Variants in SLF1 observed in about 807,000 individuals in gnomAD.
SLF1 encodes SMC5/6 complex localization factor 1.
Under a neutral mutation model 123.0 loss-of-function variants are expected in SLF1, and 105 were observed. The observed-to-expected ratio is 0.85, with a 90% confidence interval of 0.73 to 1.00. SLF1 has a LOEUF of 1.00. Among genes scored for constraint, SLF1 ranks in the 50% least tolerant of loss-of-function variants. The pLI is 0.00. For missense variants in SLF1, 1,239 were observed against 1,223.0 expected (o/e 1.01, Z -0.20); for synonymous variants, 434 against 406.6 (o/e 1.07, Z -0.81).
chr5:94,652,015 T>TCTTTTTTC (rs779227835), intron 7 of SLF1, among the ~76,000 whole-genome samples, 170 bp downstream of exon 7: 1 of 82,472 alleles, frequency 1.2e-5, no homozygotes, highest in East Asian at 2.7e-4. Context: ...TTCTTTTTTC[T>TCTTTTTTC]TTTTTTTTTT....
intron 4 of SLF1, among the ~76,000 whole-genome samples, chr5:94,637,114 C>A (rs929419252): frequency 3.3e-5 from 5 of 152,168 alleles, no homozygotes; most frequent in African/African-American, 1.2e-4. Context: ...TTGTTAATTT[C>A]TTTGGAGGTG....
intron 4 of SLF1, among the ~76,000 whole-genome samples, chr5:94,635,871 C>T (rs1745710515): frequency 6.6e-6 from 1 of 152,074 alleles, no homozygotes; most frequent in Non-Finnish European, 1.5e-5. Flanking sequence ...GAATATGATT[C>T]TACATTACTT....
chr5:94,640,571 T>A (rs72773526), intron 4 of SLF1, among the ~76,000 whole-genome samples: 33,845 of 152,082 alleles, frequency 0.22, 3,891 homozygotes, highest in East Asian at 0.34. Flanking sequence ...CATTATTTTT[T>A]AAATATTTCT....
At chr5:94,671,984 G>A (rs1750515213) in intron 14 of SLF1, among the ~76,000 whole-genome samples, 1 of 151,998 alleles carries the variant, frequency 6.6e-6, no homozygotes, top group East Asian at 1.9e-4. Context: ...TCTGCTATCT[G>A]AAATTTACTG....
intron 20 of SLF1, among the ~76,000 whole-genome samples, chr5:94,694,532 T>G (rs1474988583): frequency 6.6e-6 from 1 of 151,912 alleles, no homozygotes; most frequent in African/African-American, 2.4e-5. Context: ...ACACTGAAAT[T>G]CTTATTTTAA....
chr5:94,631,980 TTTTTTTTTC>T (rs57415212), intron 4 of SLF1, among the ~76,000 whole-genome samples: 33,222 of 147,396 alleles, frequency 0.23, 3,804 homozygotes, highest in East Asian at 0.37. Context: ...CTTTTTTTTT[TTTTTTTTTC>T]CAAATTAAAT....
rs2305391 is a variant in SLF1 at position 94,649,602 on chromosome 5, A to G, written c.738+5A>G. 31,679 of 1,458,528 alleles carry G rather than the reference A, an allele frequency of 0.022. 1,364 individuals carry two copies. Among genetic ancestry groups the G allele is most frequent in the East Asian group, 0.2 (8,001 of 39,374 alleles). 90.3% of individuals were successfully genotyped at this position (1,458,528 alleles called of 1,614,324 possible). On this transcript the variant is annotated splice_donor_5th_base_variant and intron_variant, in intron 6 of 20. Transcript: ENST00000265140. ...GAGACCATGTATAGAACCCAGGTAA[A>G]CTTTATAGGCTGAAAAACATACATT...
Position 94,697,429 on chromosome 5 carries a change from A to G in SLF1, c.*2117A>G, listed in dbSNP as rs1585256633. ...ATTCTCAATAAGTAAAGTATAATTC[A>G]TAGTCTTAGTCCTAGATTTTCAATG... On this transcript the variant is annotated 3_prime_UTR_variant, in exon 21 of 21. Transcript: ENST00000265140. The G allele has an allele frequency of 6.6e-6, 1 of 151,972 alleles. No individual in the cohort carries two copies. Among genetic ancestry groups the G allele is most frequent in the African/African-American group, 2.4e-5 (1 of 41,420 alleles). The allele number at this position is 151,972 out of a possible 1,614,324, so 9.4% of individuals were successfully genotyped here.
intron 4 of SLF1, among the ~76,000 whole-genome samples, chr5:94,631,420 C>T (rs866028899): frequency 5.9e-5 from 9 of 152,034 alleles, no homozygotes; most frequent in Admixed American, 6.6e-5. Flanking sequence ...TAGTTCTGTA[C>T]CACCAACACC....
At chr5:94,679,028 G>C in intron 15 of SLF1, 73 bp downstream of exon 15, 1 of 1,536,758 alleles carries the variant, frequency 6.5e-7, no homozygotes, top group South Asian at 1.2e-5. Flanking sequence ...TAAGCAGTCT[G>C]TAAGCTTTAA....
rs1489809451 is a variant in SLF1 at position 94,670,928 on chromosome 5, T to G, written c.1747T>G (p.Ser583Ala). ...LEIFWSGSET[S>A]GLLTKPVNML... ...AATTTTTTGGTCAGGAAGTGAAACC[T>G]CTGGGCTTTTGACCAAACCAGTAAA... The change falls in exon 14 of 21, where the codon TCT becomes GCT. Residue 583 changes from serine to alanine, a missense_variant. Physicochemically the swap from Ser to Ala is moderately conservative, Grantham distance 99. Coordinates refer to ENST00000265140, the MANE Select transcript of SLF1 (RefSeq NM_032290.4). 1.3e-6 allele frequency: 2 copies of G among 1,550,078 alleles called. No homozygotes were observed. Among genetic ancestry groups the G allele is most frequent in the Non-Finnish European group, 1.7e-6 (2 of 1,145,806 alleles).
chr5:94,687,087 C>T (rs1010863361), intron 16 of SLF1, among the ~76,000 whole-genome samples: 6 of 152,176 alleles, frequency 3.9e-5, no homozygotes, highest in Non-Finnish European at 8.8e-5. Context: ...TTAAAAAATT[C>T]TTAGTTATTT....
At chr5:94,638,037 A>G (rs957604065) in intron 4 of SLF1, among the ~76,000 whole-genome samples, 3 of 152,052 alleles carry the variant, frequency 2.0e-5, no homozygotes, top group Non-Finnish European at 4.4e-5. Flanking sequence ...AGAACATCCC[A>G]CAATAGCTTT....
In SLF1 at chr5:94,697,356, T is replaced by C. The variant is rs536238587; in HGVS notation, c.*2044T>C. ...TTATTTTAGAAAACATAATAATAAT[T>C]GCCTTGAATAATTGCCCAAATCTAT... On this transcript the variant is annotated 3_prime_UTR_variant, in exon 21 of 21. Transcript: ENST00000265140. 1 of 151,994 alleles carries C rather than the reference T, an allele frequency of 6.6e-6. No homozygotes were observed. Among genetic ancestry groups the C allele is most frequent in the South Asian group, 2.1e-4 (1 of 4,826 alleles). 9.4% of individuals were successfully genotyped at this position (151,994 alleles called of 1,614,324 possible).
At chr5:94,641,058 G>A (rs1035182053) in intron 4 of SLF1, among the ~76,000 whole-genome samples, 2 of 152,008 alleles carry the variant, frequency 1.3e-5, no homozygotes, top group South Asian at 4.2e-4. Context: ...TATTGATAGA[G>A]GCTGATGTGA....
intron 1 of SLF1, among the ~76,000 whole-genome samples, chr5:94,625,617 A>T (rs561087044): frequency 6.6e-6 from 1 of 152,048 alleles, no homozygotes; most frequent in Non-Finnish European, 1.5e-5. Context: ...TCCTGACCTC[A>T]GGTGATCCAC....
At chr5:94,671,649 A>G (rs1297584508) in intron 14 of SLF1, among the ~76,000 whole-genome samples, 1 of 144,074 alleles carries the variant, frequency 6.9e-6, no homozygotes, top group Admixed American at 6.8e-5. Context: ...CTTTTCTTTT[A>G]ATTTTTTTTT....
At chr5:94,654,490 C>A in intron 8 of SLF1, 140 bp from the exon 9 acceptor site, 1 of 449,306 alleles carries the variant, frequency 2.2e-6, no homozygotes, top group Non-Finnish European at 3.5e-6. Context: ...ATTGTGTAAT[C>A]TTGATATATG....
intron 1 of SLF1, among the ~76,000 whole-genome samples, chr5:94,621,903 C>CACAT (rs1236352606): frequency 1.4e-5 from 2 of 146,544 alleles, no homozygotes. Context: ...CACACACACA[C>CACAT]ACATACACAC....
Sources: gnomAD v4.1 joint callset for allele counts (sites outside exome capture counted in the v4.1 genomes callset) on GRCh38, gnomAD v4.1.1 for gene constraint, MANE v1.5 for transcripts, NCBI Gene and HGNC (gene_info 2026-07-23, HGNC 2026-07-21) for gene names.